Variants in STK10 observed in about 807,000 individuals in gnomAD.
STK10 encodes the protein serine/threonine-protein kinase 10.
STK10 carries 78 observed loss-of-function variants against 113.8 expected under a neutral mutation model. The ratio of observed to expected loss-of-function variants is 0.69; its 90% confidence interval spans 0.57 to 0.83. The LOEUF (loss-of-function observed/expected upper bound fraction) is 0.83, where lower values mean the gene tolerates loss of function less well. Among genes scored for constraint, STK10 ranks in the 40% least tolerant of loss-of-function variants. The probability of loss-of-function intolerance (pLI) is 0.00; values close to 1 mark genes in which losing one functional copy is unlikely to be tolerated. For missense variants in STK10, 1,109 were observed against 1,280.1 expected, an observed-to-expected ratio of 0.87 and a Z score of 2.04; for synonymous variants, 465 against 494.7, an observed-to-expected ratio of 0.94 and a Z score of 0.80.
intron 1 of STK10, among the ~76,000 whole-genome samples, chr5:172,163,068 A>C (rs1178284282): frequency 1.3e-5 from 2 of 152,188 alleles, no homozygotes; most frequent in African/African-American, 4.8e-5. Flanking sequence ...AATTCTTTCA[A>C]AGCCTCGTTG....
chr5:172,091,513 T>C (rs565205859), intron 9 of STK10, among the ~76,000 whole-genome samples: 7 of 151,222 alleles, frequency 4.6e-5, no homozygotes, highest in African/African-American at 1.7e-4. Context: ...TCTGGCCTCT[T>C]GGTTGGTTTC....
At chr5:172,180,570 C>T (rs926769131) in intron 1 of STK10, among the ~76,000 whole-genome samples, 3 of 152,026 alleles carry the variant, frequency 2.0e-5, no homozygotes, top group Non-Finnish European at 4.4e-5. Context: ...GCAGGCGGAT[C>T]ACTTGAGGTC....
chr5:172,168,824 C>T (rs1267577982), intron 1 of STK10, among the ~76,000 whole-genome samples: 1 of 152,130 alleles, frequency 6.6e-6, no homozygotes, highest in Non-Finnish European at 1.5e-5. Flanking sequence ...CAGGGGTCTC[C>T]CGCCCAGCTG....
At chr5:172,150,422 A>G (rs1486265879) in intron 2 of STK10, among the ~76,000 whole-genome samples, 1 of 151,544 alleles carries the variant, frequency 6.6e-6, no homozygotes, top group Non-Finnish European at 1.5e-5. Flanking sequence ...CAGAGGTTGC[A>G]GTGAGCCGAG....
At chr5:172,170,524 G>A (rs3797323) in intron 1 of STK10, among the ~76,000 whole-genome samples, 34,414 of 152,026 alleles carry the variant, frequency 0.23, 4,880 homozygotes, top group African/African-American at 0.4. Context: ...GAATGACGTG[G>A]CTTTCAAAGA....
chr5:172,108,041 C>T, intron 4 of STK10, 189 bp from the exon 5 acceptor site: 1 of 538,104 alleles, frequency 1.9e-6, no homozygotes, highest in South Asian at 2.5e-5. Context: ...ACTTTCCTCT[C>T]TACTAACGAG....
At chr5:172,155,812 C>T (rs139675071) in intron 2 of STK10, among the ~76,000 whole-genome samples, 6,657 of 151,752 alleles carry the variant, frequency 0.044, 218 homozygotes, top group Middle Eastern at 0.1. Flanking sequence ...CTGGCCAACA[C>T]GGCAAAACCC....
intron 18 of STK10, among the ~76,000 whole-genome samples, chr5:172,046,461 A>AG (rs1767497803): frequency 6.6e-6 from 1 of 152,100 alleles, no homozygotes; most frequent in Non-Finnish European, 1.5e-5. Context: ...CCTCTGCTCT[A>AG]GGAATACCAA....
intron 15 of STK10, 154 bp downstream of exon 15, chr5:172,057,195 C>T: frequency 9.1e-7 from 1 of 1,101,752 alleles, no homozygotes; most frequent in Non-Finnish European, 1.3e-6. Flanking sequence ...CCTGGAGAAC[C>T]TCCTGGGGCC....
chr5:172,109,159 G>T (rs1023828484), intron 4 of STK10, among the ~76,000 whole-genome samples: 2 of 152,034 alleles, frequency 1.3e-5, no homozygotes, highest in African/African-American at 4.8e-5. Context: ...TATACTGTCT[G>T]GTCAGAATCA....
At chr5:172,183,113 A>C (rs560049856) in intron 1 of STK10, among the ~76,000 whole-genome samples, 1 of 152,294 alleles carries the variant, frequency 6.6e-6, no homozygotes, top group African/African-American at 2.4e-5. Context: ...AGGCTGAGAC[A>C]GGAGGATCCC....
intron 12 of STK10, among the ~76,000 whole-genome samples, chr5:172,070,079 C>T (rs1462486103): frequency 2.0e-5 from 3 of 152,016 alleles, no homozygotes; most frequent in Non-Finnish European, 4.4e-5. Context: ...GAAACCCTGT[C>T]TCTACTAAAA....
At chr5:172,062,262 TA>T (rs1243040261) in intron 13 of STK10, among the ~76,000 whole-genome samples, 1 of 152,004 alleles carries the variant, frequency 6.6e-6, no homozygotes, top group East Asian at 1.9e-4. Flanking sequence ...TAATTTTCCA[TA>T]ATAAAGGGTA....
rs1269647880 is a variant in STK10 at position 172,043,226 on chromosome 5, CT to C, written c.*1655del. 1 of 152,142 alleles carries C rather than the reference CT, an allele frequency of 6.6e-6. No individual in the cohort carries two copies. The highest frequency in any genetic ancestry group is 2.4e-5 in the African/African-American group (1 of 41,334). The allele number at this position is 152,142 out of a possible 1,614,324, so 9.4% of individuals were successfully genotyped here. A position where few individuals can be genotyped will look rare whatever the true frequency, so the allele number is the denominator to read the frequency against. ...TCTCCTGCCTCAGCCTCCCGAGTAG[CT>C]GGGATTATAGGCATGCACCACCACG... On this transcript the variant is annotated 3_prime_UTR_variant, in exon 19 of 19. Transcript: ENST00000176763.
chr5:172,090,008 G>A (rs1348002830), intron 10 of STK10, among the ~76,000 whole-genome samples: 2 of 152,112 alleles, frequency 1.3e-5, no homozygotes, highest in Admixed American at 6.6e-5. Context: ...TAGGTGAGTA[G>A]GTGGATAGAT....
At chr5:172,097,067 T>G (rs1332649212) in intron 7 of STK10, among the ~76,000 whole-genome samples, 1 of 152,240 alleles carries the variant, frequency 6.6e-6, no homozygotes, top group African/African-American at 2.4e-5. Flanking sequence ...AGACAGAGTT[T>G]CACTCTTGTT....
At chr5:172,153,288 A>AGAAAGAAAG (rs1554123012) in intron 2 of STK10, among the ~76,000 whole-genome samples, 1 of 141,926 alleles carries the variant, frequency 7.0e-6, no homozygotes, top group African/African-American at 2.9e-5. Context: ...CTCCATCTCA[A>AGAAAGAAAG]AAAGAAAGAA....
intron 18 of STK10, among the ~76,000 whole-genome samples, chr5:172,050,021 T>G (rs937149866): frequency 6.6e-6 from 1 of 152,244 alleles, no homozygotes; most frequent in Non-Finnish European, 1.5e-5. Flanking sequence ...CAGGCTGGTC[T>G]CGAACTCTTA....
chr5:172,044,875 G>C lies in STK10; in HGVS notation c.*7C>G. 1 of 1,614,192 alleles carries C rather than the reference G, an allele frequency of 6.2e-7. No individual in the cohort carries two copies. Among genetic ancestry groups the C allele is most frequent in the Non-Finnish European group, 8.5e-7 (1 of 1,180,044 alleles). On this transcript the variant is annotated 3_prime_UTR_variant, in exon 19 of 19. Coordinates refer to ENST00000176763, the MANE Select transcript of STK10 (RefSeq NM_005990.4). The surrounding 1 kb of genome is among the most constrained non-coding windows in gnomAD (Gnocchi z 4.5). The stretch of plus-strand genomic sequence containing the variant: ...ACCAAGCTGCCAGCCACAGCCCCGG[G>C]CGGTTGTTAAGAAGCATCCGCAGAA...
Sources: allele counts gnomAD v4.1 joint callset (sites outside exome capture counted in the v4.1 genomes callset), GRCh38; gene constraint gnomAD v4.1.1; non-coding constraint Gnocchi (gnomAD v3.1); transcripts MANE v1.5; gene names NCBI Gene and HGNC (gene_info 2026-07-23, HGNC 2026-07-21).